ITPK1: variants seen among roughly 807,000 people sequenced by gnomAD.
The protein encoded by ITPK1 is inositol-tetrakisphosphate 1-kinase.
In ITPK1, 21 loss-of-function variants were observed where a neutral mutation model predicts 45.3. The observed-to-expected ratio is 0.46, with a 90% CI of 0.33 to 0.67. The LOEUF is 0.67. Among genes scored for constraint, ITPK1 ranks in the 30% least tolerant of loss-of-function variants. The pLI, the probability that ITPK1 is intolerant of heterozygous loss-of-function variation, is 0.02. For synonymous variants in ITPK1, 258 were observed against 253.6 expected (o/e 1.02, Z -0.16); for missense variants, 474 against 573.5 (o/e 0.83, Z 1.77).
At chr14:93,074,828 A>G (rs1891151667) in intron 3 of ITPK1, among the ~76,000 whole-genome samples, 1 of 152,060 alleles carries the variant, frequency 6.6e-6, no homozygotes. Flanking sequence ...CCGTGATGAG[A>G]TGAATAACCA....
Position 92,940,595 on chromosome 14 carries a change from T to C in ITPK1, c.*966A>G. On this transcript the variant is annotated 3_prime_UTR_variant, in exon 11 of 11. Transcript: ENST00000267615. ...GAGGGCCCCGATCTCCATGGTGTCA[T>C]GCCGAGGCTCCCGCGCCTATCCTCA... is the stretch of plus-strand genomic sequence containing the variant. 3 of 1,195,700 alleles carry C rather than the reference T, an allele frequency of 2.5e-6. No individual in the cohort carries two copies. The highest frequency in any genetic ancestry group is 3.0e-5 in the South Asian group (2 of 65,794). The allele number at this position is 1,195,700 out of a possible 1,614,324, so 74.1% of individuals were successfully genotyped here.
chr14:93,050,633 T>C (rs1889966237), intron 3 of ITPK1, among the ~76,000 whole-genome samples: 1 of 151,762 alleles, frequency 6.6e-6, no homozygotes, highest in Middle Eastern at 3.2e-3. Flanking sequence ...CCCTTTATTC[T>C]CTCCACCCAG....
At chr14:92,962,531 G>A (rs112432686) in intron 6 of ITPK1, 136 bp from the exon 7 acceptor site, 16 of 762,880 alleles carry the variant, frequency 2.1e-5, no homozygotes, top group East Asian at 7.7e-5. Flanking sequence ...TGAGGGTGAC[G>A]TGTGGGTAGA....
At chr14:93,009,588 C>T (rs1257307047) in intron 4 of ITPK1, among the ~76,000 whole-genome samples, 2 of 152,236 alleles carry the variant, frequency 1.3e-5, no homozygotes, top group East Asian at 3.8e-4. Context: ...CATTGGTGCA[C>T]AATGGACAGA....
At chr14:92,989,102 T>C (rs1357262069) in intron 5 of ITPK1, among the ~76,000 whole-genome samples, 1 of 152,212 alleles carries the variant, frequency 6.6e-6, no homozygotes, top group Non-Finnish European at 1.5e-5. Context: ...GCAAAAGCTT[T>C]TTGGGGAATT....
intron 4 of ITPK1, among the ~76,000 whole-genome samples, chr14:92,997,075 G>C (rs1319690405): frequency 6.6e-6 from 1 of 152,214 alleles, no homozygotes; most frequent in East Asian, 1.9e-4. Context: ...ACCAGCTAGA[G>C]GCATTCCAGG....
intron 3 of ITPK1, among the ~76,000 whole-genome samples, chr14:93,029,318 T>C (rs1159881987): frequency 6.6e-6 from 1 of 152,044 alleles, no homozygotes; most frequent in Non-Finnish European, 1.5e-5. Context: ...GTCTGGACCC[T>C]TGGGGACCCT....
At chr14:92,968,818 C>T (rs1187658011) in intron 5 of ITPK1, among the ~76,000 whole-genome samples, 2 of 152,328 alleles carry the variant, frequency 1.3e-5, no homozygotes, top group East Asian at 3.9e-4. Context: ...CTGGACCACT[C>T]CTGCTCTGGC....
chr14:92,959,033 C>T (rs1174340031), intron 7 of ITPK1, among the ~76,000 whole-genome samples: 3 of 152,232 alleles, frequency 2.0e-5, no homozygotes, highest in African/African-American at 4.8e-5. Flanking sequence ...CCCCTACACA[C>T]GGAGCCATGT....
At chr14:93,070,948 A>G (rs1390501375) in intron 3 of ITPK1, 1 of 153,748 alleles carries the variant, frequency 6.5e-6, no homozygotes, top group Non-Finnish European at 1.5e-5. Flanking sequence ...CAGCATTCCC[A>G]TTACCATACT....
chr14:92,975,589 T>C (rs780830223), intron 5 of ITPK1, among the ~76,000 whole-genome samples: 13 of 152,216 alleles, frequency 8.5e-5, no homozygotes, highest in East Asian at 1.9e-4. Flanking sequence ...TGAATGAGAT[T>C]AGCATTTGAA....
chr14:92,956,120 G>C (rs1437812583), intron 8 of ITPK1, among the ~76,000 whole-genome samples: 1 of 136,792 alleles, frequency 7.3e-6, no homozygotes, highest in Admixed American at 7.3e-5. Flanking sequence ...GGCTTAGTCT[G>C]CTTTTTTTTT....
In ITPK1 at chr14:92,958,757, AAGC is replaced by A. The variant is rs1179278608; in HGVS notation, c.505-394_505-392del. 1.3e-5 allele frequency among the ~76,000 whole-genome samples: 2 copies of A among 152,176 alleles called. No individual in the cohort carries two copies. Among genetic ancestry groups the A allele is most frequent in the Non-Finnish European group, 2.9e-5 (2 of 68,030 alleles). ...CCACAAAGACCCGGGAGGAGGAAGGAAGCAGATGACTCGGGCGCAGGAGTCAGG... is the reference window on the plus strand; with the variant it reads ...CCACAAAGACCCGGGAGGAGGAAGGAAGATGACTCGGGCGCAGGAGTCAGG... On this transcript the variant is annotated intron_variant, in intron 7 of 10. Transcript: ENST00000267615. This position sits in a 1 kb window ranked among gnomAD's most constrained non-coding sequence, Gnocchi z 4.4.
At chr14:93,103,098 T>G (rs557723513) in intron 2 of ITPK1, among the ~76,000 whole-genome samples, 11 of 56,128 alleles carry the variant, frequency 2.0e-4, no homozygotes, top group African/African-American at 6.5e-4. Context: ...AGACTCCATC[T>G]CAAAAAAAAA....
chr14:93,017,098 T>C (rs1420884361), intron 3 of ITPK1, among the ~76,000 whole-genome samples: 2 of 152,130 alleles, frequency 1.3e-5, no homozygotes, highest in Middle Eastern at 6.3e-3. Context: ...ATAAGAGGAA[T>C]CAGGGCAATA....
chr14:93,054,429 C>A (rs1890141122), intron 3 of ITPK1, among the ~76,000 whole-genome samples: 1 of 152,210 alleles, frequency 6.6e-6, no homozygotes, highest in African/African-American at 2.4e-5. Context: ...CAGGAGGGAA[C>A]CCTGTTTCTC....
chr14:92,952,053 A>C, intron 8 of ITPK1, 40 bp from the exon 9 acceptor site: 1 of 1,500,660 alleles, frequency 6.7e-7, no homozygotes, highest in Non-Finnish European at 9.1e-7. Context: ...TAGAACCTCA[A>C]TGCAGGGACC....
chr14:93,051,813 G>A (rs1384926093), intron 3 of ITPK1, among the ~76,000 whole-genome samples: 1 of 152,228 alleles, frequency 6.6e-6, no homozygotes, highest in Non-Finnish European at 1.5e-5. Context: ...AGCAGATTGG[G>A]CGGAAGCCCT....
chr14:93,073,702 G>A (rs775105023), intron 3 of ITPK1, among the ~76,000 whole-genome samples: 2 of 152,188 alleles, frequency 1.3e-5, no homozygotes, highest in Non-Finnish European at 2.9e-5. Context: ...TGAACATGCA[G>A]AGGAGACCGT....
Sources: allele counts gnomAD v4.1 joint callset (sites outside exome capture counted in the v4.1 genomes callset), GRCh38; gene constraint gnomAD v4.1.1; non-coding constraint Gnocchi (gnomAD v3.1); transcripts MANE v1.5; gene names NCBI Gene and HGNC (gene_info 2026-07-23, HGNC 2026-07-21).